The following EDEM2 variants were observed in gnomAD, a reference collection of about 807,000 sequenced individuals.
EDEM2 encodes the protein ER degradation enhancing alpha-mannosidase like protein 2.
In EDEM2, 39 loss-of-function variants were observed where a neutral mutation model predicts 64.8. The observed-to-expected ratio is 0.60, with a 90% confidence interval of 0.47 to 0.79. The LOEUF is 0.79. Among genes scored for constraint, EDEM2 ranks in the 30% least tolerant of loss-of-function variants. The pLI is 0.00. For missense variants in EDEM2, 609 were observed against 731.3 expected (o/e 0.83, Z 1.93); for synonymous variants, 296 against 291.5 (o/e 1.02, Z -0.16).
intron 6 of EDEM2, among the ~76,000 whole-genome samples, chr20:35,132,063 G>A (rs1160432672): frequency 6.6e-6 from 1 of 152,210 alleles, no homozygotes; most frequent in Non-Finnish European, 1.5e-5. Context: ...TTTATGTCCT[G>A]CCTAGAGTGA....
chr20:35,134,976 G>A (rs75188191), intron 5 of EDEM2, 27 bp from the exon 6 acceptor site: 32 of 1,609,140 alleles, frequency 2.0e-5, no homozygotes, highest in Middle Eastern at 3.3e-4. Context: ...TTATGATCCC[G>A]GACAGGAGCA....
At chr20:35,142,522 T>C in intron 3 of EDEM2, 44 bp from the exon 4 acceptor site, 1 of 1,449,186 alleles carries the variant, frequency 6.9e-7, no homozygotes, top group East Asian at 2.3e-5. Flanking sequence ...CTTACATGCA[T>C]GGAGGCAGAT....
At chr20:35,117,636 A>G (rs1453945630) in intron 10 of EDEM2, among the ~76,000 whole-genome samples, 3 of 152,348 alleles carry the variant, frequency 2.0e-5, no homozygotes, top group Non-Finnish European at 2.9e-5. Flanking sequence ...TTACTTATAG[A>G]ATATAATCAC....
chr20:35,119,152 G>T (rs1434475660), intron 9 of EDEM2, among the ~76,000 whole-genome samples: 3 of 152,144 alleles, frequency 2.0e-5, no homozygotes, highest in Non-Finnish European at 4.4e-5. Context: ...ACATGAGAGA[G>T]AAATACATTT....
At chr20:35,121,711 T>C (rs965720167) in intron 9 of EDEM2, among the ~76,000 whole-genome samples, 1 of 152,074 alleles carries the variant, frequency 6.6e-6, no homozygotes, top group Non-Finnish European at 1.5e-5. Flanking sequence ...AGTGAAAGAG[T>C]AGTCCTTATC....
In EDEM2 at chr20:35,124,012, T is replaced by C. The variant is rs755879195; in HGVS notation, c.992A>G (p.Asn331Ser). ...GTAGTTGAGGAAGGTCCTCATGGCA[T>C]TGTCAATGTCTCCAATGAGGCTCTG... is the stretch of plus-strand genomic sequence containing the variant. ...GLQSLIGDID[N>S]AMRTFLNYYT... is the part of the protein sequence containing the mutation. Residue 331 changes from asparagine to serine, a missense_variant, in exon 9 of 11, where the codon AAT (asparagine) becomes AGT (serine). Asn to Ser is a conservative substitution (Grantham distance 46, BLOSUM62 1). Transcript: ENST00000374492. 6.2e-6 allele frequency: 10 copies of C among 1,613,674 alleles called. No individual in the cohort carries two copies. The highest frequency in any genetic ancestry group is 8.5e-6 in the Non-Finnish European group (10 of 1,179,678).
rs370431881 is a variant in EDEM2 at position 35,146,945 on chromosome 20, G to A, written c.108-10C>T. On this transcript the variant is annotated splice_polypyrimidine_tract_variant and intron_variant, in intron 1 of 10. Transcript: ENST00000374492. Reference sequence around the variant, plus strand: ...GGCCTTGACTCGCTCCCTGGGTGGGGGACGAGAAATCAGGCATGGGGCAAG... The same window carrying A: ...GGCCTTGACTCGCTCCCTGGGTGGGAGACGAGAAATCAGGCATGGGGCAAG... 29 of 1,611,330 alleles carry A rather than the reference G, an allele frequency of 1.8e-5. No homozygotes were observed. The highest frequency in any genetic ancestry group is 8.5e-7 in the Non-Finnish European group (1 of 1,178,814).
chr20:35,139,352 A>G (rs1405449205), intron 4 of EDEM2, among the ~76,000 whole-genome samples: 2 of 149,298 alleles, frequency 1.3e-5, no homozygotes, highest in East Asian at 2.0e-4. Context: ...TCCGTCTCAA[A>G]AAAAAAAAAA....
chr20:35,119,292 T>C (rs1438007846), intron 9 of EDEM2, among the ~76,000 whole-genome samples: 3 of 152,162 alleles, frequency 2.0e-5, no homozygotes, highest in African/African-American at 4.8e-5. Flanking sequence ...AAGAAAAGGC[T>C]GAGATATCCA....
In EDEM2 at chr20:35,115,920, C is replaced by T. The variant is rs1222183378; in HGVS notation, c.1250G>A (p.Arg417Gln). The change falls in exon 11 of 11, where the codon CGA becomes CAA. Residue 417 changes from arginine to glutamine, a missense_variant. Arg to Gln is a conservative substitution (Grantham distance 43). Transcript: ENST00000374492. The stretch of plus-strand genomic sequence containing the variant: ...CATGCGGTTGTCCAGCTTGTGGTCT[C>T]GCAGATCTTTGATCTGACATGTGGG... ...ECGFATIKDL[R>Q]DHKLDNRMES... The T allele has an allele frequency of 1.2e-5, 19 of 1,613,664 alleles. No homozygotes were observed. The highest frequency in any genetic ancestry group is 1.5e-5 in the Non-Finnish European group (18 of 1,179,764).
chr20:35,139,896 C>A (rs185513389), intron 4 of EDEM2, among the ~76,000 whole-genome samples: 31 of 151,976 alleles, frequency 2.0e-4, no homozygotes, highest in Middle Eastern at 3.4e-3. Context: ...AAAACCAAAA[C>A]AAGATTCTCT....
chr20:35,138,863 C>T (rs1291835512), intron 4 of EDEM2, among the ~76,000 whole-genome samples: 1 of 152,142 alleles, frequency 6.6e-6, no homozygotes, highest in African/African-American at 2.4e-5. Context: ...GATTTACAGG[C>T]ATGAGCCACC....
intron 10 of EDEM2, 38 bp from the exon 11 acceptor site, chr20:35,115,971 C>A: frequency 6.3e-7 from 1 of 1,592,600 alleles, no homozygotes; most frequent in Non-Finnish European, 8.5e-7. Flanking sequence ...GGAACACCAT[C>A]ACAATTTAGT....
chr20:35,120,357 C>G (rs2146087780), intron 9 of EDEM2, among the ~76,000 whole-genome samples: 1 of 152,228 alleles, frequency 6.6e-6, no homozygotes, highest in Non-Finnish European at 1.5e-5. Flanking sequence ...GTCACTGCAC[C>G]CAGCCTCTAG....
At chr20:35,121,670 A>G (rs1352307212) in intron 9 of EDEM2, among the ~76,000 whole-genome samples, 1 of 152,250 alleles carries the variant, frequency 6.6e-6, no homozygotes, top group East Asian at 1.9e-4. Context: ...TCAGAGAGAC[A>G]TATACGAAAG....
At chr20:35,123,426 C>T (rs1020807633) in intron 9 of EDEM2, among the ~76,000 whole-genome samples, 34 of 152,068 alleles carry the variant, frequency 2.2e-4, no homozygotes, top group Non-Finnish European at 3.8e-4. Flanking sequence ...AACTCCATCT[C>T]TACTAAAAAT....
rs535055738 is a variant in EDEM2 at position 35,123,462 on chromosome 20, C to T, written c.1114+428G>A. Among the ~76,000 whole-genome samples, 22 of 152,174 alleles carry T rather than the reference C, an allele frequency of 1.4e-4. 1 individual carries two copies. The East Asian group carries it at 4.2e-3, about 29-fold the overall frequency. On this transcript the variant is annotated intron_variant, in intron 9 of 10. Coordinates refer to ENST00000374492, the MANE Select transcript of EDEM2 (RefSeq NM_018217.3). ...ACAAAATTAGCTGGGCATGGTGGCT[C>T]ATGCCTGTAATCCCAGCTACTCGGG...
chr20:35,116,079 C>A, intron 10 of EDEM2, 146 bp from the exon 11 acceptor site: 1 of 839,468 alleles, frequency 1.2e-6, no homozygotes, highest in East Asian at 2.7e-5. Flanking sequence ...TTCACTCTTT[C>A]CCAAGCCACC....
intron 5 of EDEM2, among the ~76,000 whole-genome samples, 184 bp from the exon 6 acceptor site, chr20:35,135,133 T>C (rs987059182): frequency 7.9e-5 from 12 of 152,156 alleles, no homozygotes; most frequent in African/African-American, 2.9e-4. Flanking sequence ...CCAGCCCAGA[T>C]GCTGTCAAAC....
Sources: gnomAD v4.1 joint callset for allele counts (sites outside exome capture counted in the v4.1 genomes callset) on GRCh38, gnomAD v4.1.1 for gene constraint, MANE v1.5 for transcripts, NCBI Gene and HGNC (gene_info 2026-07-23, HGNC 2026-07-21) for gene names.